SYNE1: variants seen among roughly 807,000 people sequenced by gnomAD.
The protein encoded by SYNE1 is nesprin-1.
In SYNE1, 616 loss-of-function variants were observed where a neutral mutation model predicts 1,111.0. The ratio of observed to expected loss-of-function variants is 0.55; its 90% CI spans 0.52 to 0.59. The LOEUF (loss-of-function observed/expected upper bound fraction) is 0.59, where lower values mean the gene tolerates loss of function less well. Ranked by LOEUF, SYNE1 falls within the 20% of genes least tolerant of loss-of-function variation. The pLI, the probability that SYNE1 is intolerant of heterozygous loss-of-function variation, is 0.00. For missense variants in SYNE1, 10,006 were observed against 10,417.0 expected (o/e 0.96, Z 1.72); for synonymous variants, 3,855 against 3,825.8 (o/e 1.01, Z -0.28).
Position 152,234,675 on chromosome 6 carries a change from G to A in SYNE1, c.20522C>T (p.Ala6841Val), listed in dbSNP as rs2083583867. The A allele has an allele frequency of 6.8e-6, 11 of 1,614,080 alleles. No homozygotes were observed. The highest frequency in any genetic ancestry group is 8.5e-6 in the Non-Finnish European group (10 of 1,180,040). ...ELEMVRDHLN[A>V]FLEFSKEVDA... The stretch of plus-strand genomic sequence containing the variant: ...TTAGATTCTTAGACTTACCAGGAAA[G>A]CATTTAGATGATCACGGACCATTTC... Residue 6841 changes from alanine to valine, a missense_variant, in exon 111 of 146, where the codon GCT (alanine) becomes GTT (valine). Around this residue, in one of 7 missense-constraint regions of SYNE1, gnomAD observed 2,182 missense variants for 2,287.8 expected, o/e 0.95. Coordinates refer to ENST00000367255, the MANE Select transcript of SYNE1 (RefSeq NM_182961.4).
intron 14 of SYNE1, among the ~76,000 whole-genome samples, chr6:152,473,300 C>A (rs1205581323): frequency 2.6e-5 from 4 of 152,042 alleles, no homozygotes; most frequent in African/African-American, 9.7e-5. Context: ...TATTAGACCA[C>A]CAAAATAATA....
At chr6:152,246,386 T>C (rs1198935282) in intron 105 of SYNE1, among the ~76,000 whole-genome samples, 2 of 149,496 alleles carry the variant, frequency 1.3e-5, no homozygotes, top group African/African-American at 2.5e-5. Context: ...TAAACGATAA[T>C]GTATTCATTA....
intron 135 of SYNE1, among the ~76,000 whole-genome samples, chr6:152,150,016 G>A (rs2152898200): frequency 6.6e-6 from 1 of 152,336 alleles, no homozygotes; most frequent in East Asian, 1.9e-4. Flanking sequence ...AGCAATGGCA[G>A]TCAATATACT....
chr6:152,501,193 G>T (rs192338147), intron 10 of SYNE1, among the ~76,000 whole-genome samples: 1 of 151,764 alleles, frequency 6.6e-6, no homozygotes, highest in Non-Finnish European at 1.5e-5. Context: ...TTAAAATTCC[G>T]CAGTGAATCC....
chr6:152,142,664 G>T (rs1299661132), intron 138 of SYNE1, among the ~76,000 whole-genome samples: 1 of 152,216 alleles, frequency 6.6e-6, no homozygotes, highest in Non-Finnish European at 1.5e-5. Flanking sequence ...TCCCAGTGAT[G>T]TCAGTATGAT....
At chr6:152,616,084 T>TTCTGA (rs1274181106) in intron 3 of SYNE1, among the ~76,000 whole-genome samples, 1 of 152,244 alleles carries the variant, frequency 6.6e-6, no homozygotes, top group Non-Finnish European at 1.5e-5. Flanking sequence ...GGAAACTTGA[T>TTCTGA]ATTGAAATAA....
rs746286382 is a variant in SYNE1, at chr6:152,353,282, T to C, written c.11234A>G (p.Lys3745Arg). The C allele has an allele frequency of 3.1e-6, 5 of 1,614,222 alleles. No individual in the cohort carries two copies. The highest frequency in any genetic ancestry group is 4.2e-6 in the Non-Finnish European group (5 of 1,180,044). The change falls in exon 69 of 146, where the codon AAG becomes AGG. Residue 3745 changes from lysine (K) to arginine (R), a missense_variant. Around this residue, in one of 7 missense-constraint regions of SYNE1, gnomAD observed 4,955 missense variants for 5,017.2 expected, o/e 0.99. Coordinates refer to ENST00000367255, the MANE Select transcript of SYNE1 (RefSeq NM_182961.4). ...IDKVDTVMMG[K>R]KLKTLEVLLK... The stretch of plus-strand genomic sequence containing the variant: ...GCCTACCTCCAACGTCTTCAATTTC[T>C]TCCCCATCATTACTGTATCTACTTT...
intron 125 of SYNE1, 61 bp from the exon 126 acceptor site, chr6:152,206,423 G>A: frequency 6.3e-6 from 10 of 1,595,254 alleles, no homozygotes; most frequent in South Asian, 2.2e-5. Flanking sequence ...CTTCCCATAA[G>A]GATTTTTAAA....
intron 3 of SYNE1, among the ~76,000 whole-genome samples, chr6:152,619,333 C>G (rs1403141195): frequency 6.6e-6 from 1 of 152,122 alleles, no homozygotes; most frequent in African/African-American, 2.4e-5. Flanking sequence ...CCAACATAAA[C>G]AGGGTCACAC....
At chr6:152,251,996 AC>A (rs869211964) in intron 104 of SYNE1, among the ~76,000 whole-genome samples, 3 of 98,438 alleles carry the variant, frequency 3.0e-5, no homozygotes, top group Non-Finnish European at 6.5e-5. Context: ...GTGTCCGGGC[AC>A]AGTGGTTCAT....
At chr6:152,542,378 C>A (rs138685035) in intron 3 of SYNE1, among the ~76,000 whole-genome samples, 7 of 152,258 alleles carry the variant, frequency 4.6e-5, no homozygotes, top group African/African-American at 1.7e-4. Context: ...CATTAATTTT[C>A]AAGTGTATAT....
At chr6:152,550,150 C>G (rs1174916551) in intron 3 of SYNE1, among the ~76,000 whole-genome samples, 2 of 152,110 alleles carry the variant, frequency 1.3e-5, no homozygotes, top group East Asian at 1.9e-4. Context: ...TATAGTAAAT[C>G]TAAGACTTTT....
Position 152,261,980 on chromosome 6 carries a change from T to A in SYNE1, c.18972+52A>T, listed in dbSNP as rs1021247618. The A allele has an allele frequency of 4.7e-6, 7 of 1,476,662 alleles. No homozygotes were observed. In the Admixed American group the frequency reaches 5.7e-5, roughly 12 times the overall value. The allele number at this position is 1,476,662 out of a possible 1,614,324, so 91.5% of individuals were successfully genotyped here. On this transcript the variant is annotated intron_variant, in intron 101 of 145. Coordinates refer to ENST00000367255, the MANE Select transcript of SYNE1 (RefSeq NM_182961.4). ...ATTGCACAGTTATAATCCCTCAGCA[T>A]AAACTCTACATCTTTTATATTAGTT...
At chr6:152,442,800 G>A (rs1463119397) in intron 30 of SYNE1, among the ~76,000 whole-genome samples, 1 of 152,058 alleles carries the variant, frequency 6.6e-6, no homozygotes, top group African/African-American at 2.4e-5. Flanking sequence ...TAAAAAATTA[G>A]CCAAGTGTGG....
chr6:152,424,635 A>T (rs1375922507), intron 39 of SYNE1, among the ~76,000 whole-genome samples: 1 of 152,130 alleles, frequency 6.6e-6, no homozygotes. Flanking sequence ...CAGGCACCTG[A>T]TATATATTTG....
In SYNE1 at chr6:152,321,387, G is replaced by T. The variant is rs1480553610; in HGVS notation, c.16087C>A (p.Leu5363Ile). 6.2e-7 allele frequency: 1 copy of T among 1,613,590 alleles called. No individual in the cohort carries two copies. The highest frequency in any genetic ancestry group is 8.5e-7 in the Non-Finnish European group (1 of 1,179,852). ...CGGTGATTTGTGGCTTCTGTTAGGA[G>T]AATCTGAAGAAAAGATCAAAATAAG... ...IDAQLEELQILLTEATNHRQN... is the reference protein window; with the variant it reads ...IDAQLEELQIILTEATNHRQN... The change falls in exon 84 of 146, where the codon CTC becomes ATC. Residue 5363 changes from leucine (L) to isoleucine (I), a missense_variant. By Grantham distance (5) the Leu-to-Ile change is conservative. Around this residue, in one of 7 missense-constraint regions of SYNE1, gnomAD observed 4,955 missense variants for 5,017.2 expected, o/e 0.99. Transcript: ENST00000367255.
chr6:152,189,184 T>G, intron 128 of SYNE1, 68 bp downstream of exon 128: 1 of 1,567,756 alleles, frequency 6.4e-7, no homozygotes, highest in East Asian at 2.2e-5. Flanking sequence ...GGTTAACCCA[T>G]CTGACGTTCA....
intron 100 of SYNE1, 37 bp from the exon 101 acceptor site, chr6:152,262,225 C>T (rs756547781): frequency 1.8e-5 from 28 of 1,597,148 alleles, no homozygotes; most frequent in Non-Finnish European, 2.3e-5. Flanking sequence ...TTACAATGTG[C>T]ACAAAAAAGT....
chr6:152,317,128 C>A, intron 86 of SYNE1, 142 bp from the exon 87 acceptor site: 3 of 987,170 alleles, frequency 3.0e-6, no homozygotes, highest in Non-Finnish European at 4.5e-6. Context: ...ATCAAAAGAT[C>A]GTTTCCCTGT....
Sources: allele counts gnomAD v4.1 joint callset (sites outside exome capture counted in the v4.1 genomes callset), GRCh38; gene constraint gnomAD v4.1.1; regional missense constraint gnomAD v4.1.1; transcripts MANE v1.5; gene names NCBI Gene and HGNC (gene_info 2026-07-23, HGNC 2026-07-21).